The following PIK3R6 variants were observed in gnomAD, a reference collection of about 807,000 sequenced individuals.
PIK3R6 encodes phosphoinositide 3-kinase regulatory subunit 6.
Under a neutral mutation model 84.9 loss-of-function variants are expected in PIK3R6, and 91 were observed. That is an observed-to-expected ratio of 1.07 (90% CI 0.90 to 1.28). The LOEUF (loss-of-function observed/expected upper bound fraction) is 1.28. Among genes scored for constraint, PIK3R6 ranks in the 50% most tolerant of loss-of-function variants. The pLI, the probability that PIK3R6 is intolerant of heterozygous loss-of-function variation, is 0.00. For synonymous variants in PIK3R6, 416 were observed against 411.4 expected (o/e 1.01, Z -0.13); for missense variants, 996 against 985.1 (o/e 1.01, Z -0.15).
Position 8,804,079 on chromosome 17 carries a change from C to G in PIK3R6, c.2070G>C (p.Leu690=). 6.2e-7 allele frequency: 1 copy of G among 1,614,032 alleles called. No individual in the cohort carries two copies. The highest frequency in any genetic ancestry group is 2.2e-5 in the East Asian group (1 of 44,884). Residue 690 remains leucine, a synonymous_variant, in exon 19 of 20, where the codon CTG becomes CTC. Coordinates refer to ENST00000619866, the MANE Select transcript of PIK3R6 (RefSeq NM_001010855.4). ...SRDQRLLTLS[L]DKDDQRTFRD... is the part of the protein sequence containing the mutation. ...TGAAAGTGCGTTGATCGTCCTTGTC[C>G]AGCGACAGTGTCAGCAGCCTCTGGT...
chr17:8,805,770 T>C (rs2087186785), intron 18 of PIK3R6, among the ~76,000 whole-genome samples: 1 of 151,994 alleles, frequency 6.6e-6, no homozygotes, highest in Non-Finnish European at 1.5e-5. Flanking sequence ...ACAAAAAAAT[T>C]AGCCAGGCGT....
rs1257711323 is a variant in PIK3R6, at chr17:8,823,479, A to T, written c.1534T>A (p.Ser512Thr). 4 of 1,611,702 alleles carry T rather than the reference A, an allele frequency of 2.5e-6. No individual in the cohort carries two copies. Among genetic ancestry groups the T allele is most frequent in the Non-Finnish European group, 3.4e-6 (4 of 1,178,220 alleles). Reference sequence around the variant, plus strand: ...AGGATGAAGGGGTCCACAGTCCGGGATGTGTCCAGGGAAGGAGGCTGTGAT... The same window carrying T: ...AGGATGAAGGGGTCCACAGTCCGGGTTGTGTCCAGGGAAGGAGGCTGTGAT... ...LAEMPPSLDTSRTVDPFILDV... is the reference protein window; with the variant it reads ...LAEMPPSLDTTRTVDPFILDV... The change falls in exon 14 of 20, where the codon TCC becomes ACC. Residue 512 changes from serine to threonine, a missense_variant. By Grantham distance (58) the Ser-to-Thr change is moderately conservative. Transcript: ENST00000619866.
At position 8,844,689 on chromosome 17, in the gene PIK3R6, G is replaced by C. The variant is rs1446416504; in HGVS notation, c.14-4992C>G. On this transcript the variant is annotated intron_variant, in intron 2 of 19. Coordinates refer to ENST00000619866, the MANE Select transcript of PIK3R6 (RefSeq NM_001010855.4). This position sits in a 1 kb window ranked among gnomAD's most constrained non-coding sequence, Gnocchi z 4.5. Reference sequence around the variant, plus strand: ...TGCAGGTTTGTTACCCGGATATATTGCTTGATGCTGAGGTTTGTAGTATGG... The same window carrying C: ...TGCAGGTTTGTTACCCGGATATATTCCTTGATGCTGAGGTTTGTAGTATGG... 6.6e-6 allele frequency among the ~76,000 whole-genome samples: 1 copy of C among 151,942 alleles called. No homozygotes were observed. Among genetic ancestry groups the C allele is most frequent in the Non-Finnish European group, 1.5e-5 (1 of 67,978 alleles).
chr17:8,803,872 A>G lies in PIK3R6; in HGVS notation c.2108+169T>C, dbSNP rs146394492. ...ATTTGCCTCGACTTCCTGGATCCAA[A>G]GCATAGGGCAGTGGCCTCTGTCCAT... is the stretch of plus-strand genomic sequence containing the variant. On this transcript the variant is annotated intron_variant, in intron 19 of 19. Transcript: ENST00000619866. The surrounding 1 kb of genome is among the most constrained non-coding windows in gnomAD (Gnocchi z 5.0). 2,978 of 620,670 alleles carry G rather than the reference A, an allele frequency of 4.8e-3. 61 individuals carry two copies. The African/African-American group carries it at 0.049, about 10-fold the overall frequency. 38.4% of individuals were successfully genotyped at this position (620,670 alleles called of 1,614,324 possible).
At position 8,854,911 on chromosome 17, in the gene PIK3R6, G is replaced by A. The variant is rs117904572; in HGVS notation, c.-91-5026C>T. ...GATACCTTTAACAAAATGAAAAAAC[G>A]GGCCGGGCACAGTGGCTCACACCTG... On this transcript the variant is annotated intron_variant, in intron 1 of 19. Transcript: ENST00000619866. Among the ~76,000 whole-genome samples, 153 of 152,152 alleles carry A rather than the reference G, an allele frequency of 1.0e-3. 1 individual carries two copies. In the East Asian group the frequency reaches 0.026, roughly 26 times the overall value.
chr17:8,814,237 T>TTTTTTTTTTTA (rs2087455102), intron 18 of PIK3R6, among the ~76,000 whole-genome samples: 1 of 135,834 alleles, frequency 7.4e-6, no homozygotes, highest in African/African-American at 2.9e-5. Flanking sequence ...TTTTTTTTTT[T>TTTTTTTTTTTA]GAGACAGAGT....
chr17:8,829,485 C>T (rs541611620), intron 10 of PIK3R6, among the ~76,000 whole-genome samples: 9 of 124,452 alleles, frequency 7.2e-5, no homozygotes, highest in South Asian at 4.9e-4. Flanking sequence ...CACTCATGCA[C>T]GCATACACAC....
At chr17:8,854,776 A>G (rs1021751017) in intron 1 of PIK3R6, among the ~76,000 whole-genome samples, 1 of 152,264 alleles carries the variant, frequency 6.6e-6, no homozygotes, top group Non-Finnish European at 1.5e-5. Flanking sequence ...AATCCTTGTA[A>G]CCTCATGTGA....
chr17:8,834,398 G>A (rs2088378372), intron 8 of PIK3R6, among the ~76,000 whole-genome samples: 1 of 151,896 alleles, frequency 6.6e-6, no homozygotes, highest in Non-Finnish European at 1.5e-5. Flanking sequence ...TGAGGTTCTT[G>A]TATTTTTATT....
intron 13 of PIK3R6, among the ~76,000 whole-genome samples, chr17:8,824,720 G>A (rs2087862544): frequency 6.6e-6 from 1 of 152,186 alleles, no homozygotes; most frequent in Non-Finnish European, 1.5e-5. Flanking sequence ...AATGGGGCCT[G>A]CATCAAATGT....
intron 13 of PIK3R6, among the ~76,000 whole-genome samples, chr17:8,825,474 G>A (rs1444712097): frequency 6.6e-6 from 1 of 152,172 alleles, no homozygotes; most frequent in African/African-American, 2.4e-5. Context: ...GCATAGGTAT[G>A]TACTAAATAC....
intron 18 of PIK3R6, among the ~76,000 whole-genome samples, chr17:8,814,215 C>CTCTTTTT (rs2087452874): frequency 1.2e-5 from 1 of 85,520 alleles, no homozygotes; most frequent in Non-Finnish European, 2.1e-5. Flanking sequence ...AGAGAGAGAT[C>CTCTTTTT]TTTTTTTTTT....
chr17:8,853,697 C>T (rs1256042354), intron 1 of PIK3R6, among the ~76,000 whole-genome samples: 1 of 151,726 alleles, frequency 6.6e-6, no homozygotes, highest in Admixed American at 6.6e-5. Flanking sequence ...GGCACAGTGG[C>T]TCACATCTGT....
chr17:8,817,641 G>GA (rs201662121), intron 18 of PIK3R6, among the ~76,000 whole-genome samples: 9 of 149,586 alleles, frequency 6.0e-5, no homozygotes, highest in Admixed American at 1.3e-4. Context: ...ACTCCGTCTC[G>GA]AAAAAAAACA....
chr17:8,836,987 G>A (rs2088492725), intron 5 of PIK3R6, 64 bp from the exon 6 acceptor site: 1 of 1,180,876 alleles, frequency 8.5e-7, no homozygotes, highest in Non-Finnish European at 1.2e-6. Flanking sequence ...AGGAGGGGGA[G>A]GTGAAGGGTC....
At chr17:8,829,102 C>T in intron 10 of PIK3R6, 112 bp from the exon 11 acceptor site, 1 of 1,020,974 alleles carries the variant, frequency 9.8e-7, no homozygotes. Flanking sequence ...CAGACAGACA[C>T]ATAAAGACAC....
rs2087100369 is a variant in PIK3R6, at chr17:8,803,405, T to C, written c.2133A>G (p.Glu711=). 1.2e-6 allele frequency: 2 copies of C among 1,611,054 alleles called. No homozygotes were observed. Among genetic ancestry groups the C allele is most frequent in the Non-Finnish European group, 1.7e-6 (2 of 1,178,556 alleles). The change falls in exon 20 of 20, where the codon GAA becomes GAG. Residue 711 remains glutamate, a synonymous_variant. Coordinates refer to ENST00000619866, the MANE Select transcript of PIK3R6 (RefSeq NM_001010855.4). This position sits in a 1 kb window ranked among gnomAD's most constrained non-coding sequence, Gnocchi z 5.0. ...VVRFEVAPCP[E]PCSGAQKSKA... ...TGGACTTCTGGGCCCCAGAACATGG[T>C]TCTGGGCAGGGAGCAACCTCGAATC...
chr17:8,859,260 C>G (rs2089215007), intron 1 of PIK3R6, among the ~76,000 whole-genome samples: 1 of 151,458 alleles, frequency 6.6e-6, no homozygotes, highest in South Asian at 2.1e-4. Context: ...TGCACAAGAC[C>G]TGAGAGGTTA....
chr17:8,807,405 T>C lies in PIK3R6; in HGVS notation c.1996-3252A>G, dbSNP rs183836788. On this transcript the variant is annotated intron_variant, in intron 18 of 19. Transcript: ENST00000619866. ...TGACATACAAAGATCATGCCATTTA[T>C]AGTGTCACAAATGTTTCCATAGCTG... Among the ~76,000 whole-genome samples the C allele has an allele frequency of 4.0e-3, 610 of 152,326 alleles. 5 individuals carry two copies. The highest frequency in any genetic ancestry group is 0.014 in the African/African-American group (570 of 41,558).
Sources: gnomAD v4.1 joint callset for allele counts (sites outside exome capture counted in the v4.1 genomes callset) on GRCh38, gnomAD v4.1.1 for gene constraint, Gnocchi (gnomAD v3.1) non-coding constraint, MANE v1.5 for transcripts, NCBI Gene and HGNC (gene_info 2026-07-23, HGNC 2026-07-21) for gene names.